Variants in COL4A4 observed in about 807,000 individuals in gnomAD.
COL4A4 encodes collagen type IV alpha 4 chain.
In COL4A4, 105 loss-of-function variants were observed where a neutral mutation model predicts 192.9. The observed-to-expected ratio is 0.54, with a 90% confidence interval of 0.46 to 0.64. The LOEUF is 0.64. Ranked by LOEUF, COL4A4 falls within the 30% of genes least tolerant of loss-of-function variation. The probability of loss-of-function intolerance (pLI) is 0.00; values close to 1 mark genes in which losing one functional copy is unlikely to be tolerated. For synonymous variants in COL4A4, 762 were observed against 769.9 expected, an observed-to-expected ratio of 0.99 and a Z score of 0.17; for missense variants, 1,967 against 2,169.3, an observed-to-expected ratio of 0.91 and a Z score of 1.85.
In COL4A4 at chr2:227,147,534, G is replaced by A. The variant is rs1559742876; in HGVS notation, c.-51C>T. 2 of 1,545,776 alleles carry A rather than the reference G, an allele frequency of 1.3e-6. No homozygotes were observed. Among genetic ancestry groups the A allele is most frequent in the East Asian group, 4.5e-5 (2 of 44,516 alleles). On this transcript the variant is annotated 5_prime_UTR_variant, in exon 2 of 48. Transcript: ENST00000396625. ...AATATTCTGCCAGTCTTCTCTTCCA[G>A]AAGGTTCTTGTTGACAAGTGAGGTT...
downstream of COL4A4, among the ~76,000 whole-genome samples, chr2:227,000,020 A>G (rs1273688216): frequency 6.6e-6 from 1 of 152,248 alleles, no homozygotes. Flanking sequence ...CATGATATTT[A>G]TTTGAGATTC....
intron 40 of COL4A4, among the ~76,000 whole-genome samples, chr2:227,031,069 G>GGATGGATGGATA (rs1443575965): frequency 3.3e-5 from 5 of 151,862 alleles, no homozygotes; most frequent in African/African-American, 1.2e-4. Context: ...ATGGATGGAT[G>GGATGGATGGATA]GATAGACTGA....
chr2:227,067,763 C>A (rs1205118409), intron 25 of COL4A4, among the ~76,000 whole-genome samples: 2 of 151,940 alleles, frequency 1.3e-5, no homozygotes, highest in Non-Finnish European at 2.9e-5. Context: ...CAAGAGAAAG[C>A]AGGAAAGATC....
chr2:227,068,894 G>A, intron 25 of COL4A4, among the ~76,000 whole-genome samples: 1 of 150,492 alleles, frequency 6.6e-6, no homozygotes, highest in African/African-American at 2.5e-5. Flanking sequence ...AGGAAATAAA[G>A]GGTATTCAAT....
At chr2:227,094,063 G>C in intron 20 of COL4A4, 62 bp downstream of exon 20, 1 of 1,419,634 alleles carries the variant, frequency 7.0e-7, no homozygotes, top group Non-Finnish European at 9.8e-7. Flanking sequence ...TGCTTTCTTA[G>C]TGGCACTGCA....
At position 227,118,327 on chromosome 2, in the gene COL4A4, C is replaced by G. The variant is rs56350167; in HGVS notation, c.489+318G>C. On this transcript the variant is annotated intron_variant, in intron 7 of 47. Coordinates refer to ENST00000396625, the MANE Select transcript of COL4A4 (RefSeq NM_000092.5). ...TACCTGGTCTCTCTGCTCTTTTTTC[C>G]CTACTATCTATTCTCTTCACAGCAG... Among the ~76,000 whole-genome samples the G allele has an allele frequency of 0.02, 3,061 of 152,100 alleles. 56 individuals carry two copies. Among genetic ancestry groups the G allele is most frequent in the Non-Finnish European group, 0.031 (2,125 of 67,992 alleles).
At chr2:227,016,824 CAG>C in intron 44 of COL4A4, among the ~76,000 whole-genome samples, 1 of 152,196 alleles carries the variant, frequency 6.6e-6, no homozygotes, top group East Asian at 1.9e-4. Context: ...CGAATTATTT[CAG>C]AGTGTCCTGG....
chr2:227,034,226 T>G (rs1226136873), intron 37 of COL4A4, among the ~76,000 whole-genome samples: 1 of 152,242 alleles, frequency 6.6e-6, no homozygotes. Flanking sequence ...AAGTTGTCAC[T>G]AAACACTTCC....
intron 25 of COL4A4, among the ~76,000 whole-genome samples, chr2:227,065,159 C>T (rs1297266540): frequency 6.6e-6 from 1 of 152,218 alleles, no homozygotes; most frequent in African/African-American, 2.4e-5. Flanking sequence ...CACTCCCACC[C>T]GAATACTGCG....
At chr2:227,104,883 C>T (rs973005259) in intron 12 of COL4A4, among the ~76,000 whole-genome samples, 44 of 150,756 alleles carry the variant, frequency 2.9e-4, no homozygotes, top group African/African-American at 9.2e-4. Context: ...TCAGGTGATC[C>T]GCCCGCCTCG....
At chr2:227,076,668 G>A (rs1029213134) in intron 25 of COL4A4, among the ~76,000 whole-genome samples, 4 of 152,176 alleles carry the variant, frequency 2.6e-5, no homozygotes, top group African/African-American at 9.6e-5. Flanking sequence ...GAGCTTCTGT[G>A]CAGCAAAAGA....
rs573424614 is a variant in COL4A4, at chr2:227,059,658, CAT to C, written c.2165-37_2165-36del. On this transcript the variant is annotated intron_variant, in intron 27 of 47. Transcript: ENST00000396625. ...AACAAAAAAAAATTTTTAATGATAA[CAT>C]GTGCAAGTATAGAACCAATACATAT... is the stretch of plus-strand genomic sequence containing the variant. The C allele has an allele frequency of 6.8e-5, 101 of 1,494,652 alleles. No homozygotes were observed. In the East Asian group the frequency reaches 1.6e-3, roughly 23 times the overall value. The allele number at this position is 1,494,652 out of a possible 1,614,324, so 92.6% of individuals were successfully genotyped here.
chr2:227,059,252 T>C (rs1195362738), intron 28 of COL4A4, among the ~76,000 whole-genome samples, 153 bp downstream of exon 28: 2 of 152,234 alleles, frequency 1.3e-5, no homozygotes, highest in Non-Finnish European at 2.9e-5. Flanking sequence ...TCAGGTTATT[T>C]GAAATGTAAC....
chr2:227,106,261 A>G (rs1320835358), intron 12 of COL4A4, among the ~76,000 whole-genome samples: 1 of 152,222 alleles, frequency 6.6e-6, no homozygotes, highest in East Asian at 1.9e-4. Context: ...ATGTATTGGT[A>G]AAGATAGCCA....
intron 3 of COL4A4, among the ~76,000 whole-genome samples, chr2:227,143,544 T>G (rs925013851): frequency 2.0e-5 from 3 of 152,228 alleles, no homozygotes; most frequent in African/African-American, 7.2e-5. Flanking sequence ...TAGAAAAATC[T>G]TTGATTCAGA....
At chr2:227,030,641 C>T (rs749200823) in intron 40 of COL4A4, 43 bp from the exon 41 acceptor site, 24 of 1,516,450 alleles carry the variant, frequency 1.6e-5, no homozygotes, top group Admixed American at 6.6e-5. Context: ...TAGTCAAAGA[C>T]GAATGTGTAT....
intron 1 of COL4A4, among the ~76,000 whole-genome samples, chr2:227,148,052 T>G (rs537172811): frequency 1.3e-5 from 2 of 152,148 alleles, no homozygotes; most frequent in African/African-American, 2.4e-5. Flanking sequence ...TATAAAAGTA[T>G]TTTTATGTAA....
At position 227,032,179 on chromosome 2, in the gene COL4A4, A is replaced by C. The variant is rs2149980650; in HGVS notation, c.3675T>G (p.Pro1225=). ...GTCCTGGGGGACCTTTCTTTCCACG[A>C]GGACCTGGAGGAGAGATTCCTGGGC... is the stretch of plus-strand genomic sequence containing the variant. ...PGSPGISPPG[P]RGKKGPPGPP... Residue 1225 remains proline (P), a synonymous_variant, in exon 39 of 48, where the codon CCT becomes CCG. Transcript: ENST00000396625. The C allele has an allele frequency of 1.2e-6, 2 of 1,614,212 alleles. No homozygotes were observed. The highest frequency in any genetic ancestry group is 4.5e-5 in the East Asian group (2 of 44,888).
Position 227,014,892 on chromosome 2 carries a change from C to CTTT in COL4A4, c.4217-2598_4217-2596dup, listed in dbSNP as rs1179125792. On this transcript the variant is annotated intron_variant, in intron 44 of 47. Coordinates refer to ENST00000396625, the MANE Select transcript of COL4A4 (RefSeq NM_000092.5). ...TACAGGCACGGGCCACCATGCCTGG[C>CTTT]TTTTTTTTTTTTTTTTTTTTTTCTG... 3.3e-3 allele frequency among the ~76,000 whole-genome samples: 355 copies of CTTT among 106,566 alleles called. 8 individuals carry two copies. Among genetic ancestry groups the CTTT allele is most frequent in the African/African-American group, 0.012 (319 of 26,204 alleles). 69.9% of individuals were successfully genotyped at this position (106,566 alleles called of 152,430 possible).
Sources: allele counts gnomAD v4.1 joint callset (sites outside exome capture counted in the v4.1 genomes callset), GRCh38; gene constraint gnomAD v4.1.1; transcripts MANE v1.5; gene names NCBI Gene and HGNC (gene_info 2026-07-23, HGNC 2026-07-21).